The following APOBEC3F variants were observed in gnomAD, a reference collection of about 807,000 sequenced individuals.
APOBEC3F encodes apolipoprotein B mRNA editing enzyme catalytic subunit 3F.
APOBEC3F carries 34 observed loss-of-function variants against 45.8 expected under a neutral mutation model. That is an observed-to-expected ratio of 0.74 (90% CI 0.57 to 0.99). The LOEUF (loss-of-function observed/expected upper bound fraction) is 0.99. APOBEC3F is among the 50% of genes least tolerant of loss of function. The probability of loss-of-function intolerance (pLI) is 0.00; values close to 1 mark genes in which losing one functional copy is unlikely to be tolerated. For synonymous variants in APOBEC3F, 192 were observed against 174.4 expected, an observed-to-expected ratio of 1.10 and a Z score of -0.80; for missense variants, 459 against 474.1, an observed-to-expected ratio of 0.97 and a Z score of 0.30.
rs762653369 is a variant in APOBEC3F, at chr22:39,052,580, T to G, written c.1007T>G (p.Phe336Cys). The G allele has an allele frequency of 8.1e-6, 13 of 1,612,788 alleles. No homozygotes were observed. The highest frequency in any genetic ancestry group is 1.0e-5 in the Non-Finnish European group (12 of 1,179,234). ...CTTTCTCCTTGTTTTTTCTCAGATTTTAAATATTGTTGGGAAAACTTTGTG... is the reference window on the plus strand; with the variant it reads ...CTTTCTCCTTGTTTTTTCTCAGATTGTAAATATTGTTGGGAAAACTTTGTG... ...ASVEIMGYKD[F>C]KYCWENFVYN... The change falls in exon 7 of 7, where the codon TTT (phenylalanine) becomes TGT (cysteine). Residue 336 changes from phenylalanine (F) to cysteine (C), a missense_variant. By Grantham distance (205) the Phe-to-Cys change is radical. Coordinates refer to ENST00000308521, the MANE Select transcript of APOBEC3F (RefSeq NM_145298.6).
At position 39,053,343 on chromosome 22, in the gene APOBEC3F, A is replaced by C. The variant is rs971020529; in HGVS notation, c.*648A>C. ...CACCCTAGGCTGGCCGCGGTGACTCATGCCTATAATCCCCCAGCAATTTGG... is the reference window on the plus strand; with the variant it reads ...CACCCTAGGCTGGCCGCGGTGACTCCTGCCTATAATCCCCCAGCAATTTGG... On this transcript the variant is annotated 3_prime_UTR_variant, in exon 7 of 7. Coordinates refer to ENST00000308521, the MANE Select transcript of APOBEC3F (RefSeq NM_145298.6). The C allele has an allele frequency of 6.6e-6, 1 of 151,752 alleles. No individual in the cohort carries two copies. Among genetic ancestry groups the C allele is most frequent in the African/African-American group, 2.4e-5 (1 of 41,280 alleles). The allele number at this position is 151,752 out of a possible 1,614,324, so 9.4% of individuals were successfully genotyped here. A position where few individuals can be genotyped will look rare whatever the true frequency, so the allele number is the denominator to read the frequency against.
rs1261077792 is a variant in APOBEC3F at position 39,045,164 on chromosome 22, G to C, written c.395G>C (p.Arg132Thr). 1.2e-6 allele frequency: 2 copies of C among 1,614,160 alleles called. No individual in the cohort carries two copies. The highest frequency in any genetic ancestry group is 2.2e-5 in the East Asian group (1 of 44,878). ...TACTACTGGGAAAGAGATTACCGAA[G>C]GGCGCTCTGCAGGCTGAGTCAGGCA... ...LYYYWERDYR[R>T]ALCRLSQAGA... Residue 132 changes from arginine to threonine, a missense_variant, in exon 3 of 7, where the codon AGG (arginine) becomes ACG (threonine). Arg to Thr is a moderately conservative substitution (Grantham distance 71, BLOSUM62 -1). Transcript: ENST00000308521.
intron 2 of APOBEC3F, 83 bp downstream of exon 2, chr22:39,043,173 C>T (rs2035031155): frequency 1.6e-5 from 24 of 1,487,736 alleles, no homozygotes; most frequent in Non-Finnish European, 2.1e-5. Context: ...GTGAAGTGCC[C>T]GGCGGCGGGC....
chr22:39,044,364 T>C, intron 2 of APOBEC3F: 2 of 1,395,558 alleles, frequency 1.4e-6, no homozygotes, highest in South Asian at 1.7e-5. Flanking sequence ...TTTGTGATGA[T>C]GCTTCAACAG....
chr22:39,043,737 A>G (rs1470149358), intron 2 of APOBEC3F, among the ~76,000 whole-genome samples: 2 of 151,586 alleles, frequency 1.3e-5, no homozygotes, highest in East Asian at 2.0e-4. Context: ...TGTGTAGGCC[A>G]CGCTTGGTGG....
At chr22:39,044,278 G>A (rs1927087537) in intron 2 of APOBEC3F, 1 of 1,555,284 alleles carries the variant, frequency 6.4e-7, no homozygotes. Flanking sequence ...GAGAATGGAT[G>A]CCAGAATTCA....
At chr22:39,045,637 C>T (rs1927180500) in intron 4 of APOBEC3F, 95 bp downstream of exon 4, 2 of 1,583,384 alleles carry the variant, frequency 1.3e-6, no homozygotes, top group Admixed American at 1.7e-5. Context: ...GCCCTCCGTC[C>T]TGCCCCCTGC....
chr22:39,042,975 A>G lies in APOBEC3F; in HGVS notation c.56A>G (p.Tyr19Cys), dbSNP rs760703711. The G allele has an allele frequency of 5.6e-6, 9 of 1,614,000 alleles. No homozygotes were observed. In the Admixed American group the frequency reaches 1.2e-4, roughly 21 times the overall value. ...VERMYRDTFS[Y>C]NFYNRPILSR... is the part of the protein sequence containing the mutation. ...CGAATGTATCGAGACACATTCTCCTACAACTTTTATAATAGACCCATCCTT... is the reference window on the plus strand; with the variant it reads ...CGAATGTATCGAGACACATTCTCCTGCAACTTTTATAATAGACCCATCCTT... The change falls in exon 2 of 7, where the codon TAC becomes TGC. Residue 19 changes from tyrosine (Y) to cysteine (C), a missense_variant. Tyr to Cys is a radical substitution (Grantham distance 194). Coordinates refer to ENST00000308521, the MANE Select transcript of APOBEC3F (RefSeq NM_145298.6).
chr22:39,048,268 G>A (rs1927316251), intron 4 of APOBEC3F, among the ~76,000 whole-genome samples: 1 of 152,168 alleles, frequency 6.6e-6, no homozygotes, highest in Non-Finnish European at 1.5e-5. Context: ...CTGTGGCCTG[G>A]GCAGGTTACC....
In APOBEC3F at chr22:39,045,420, C is replaced by T. The variant is rs376646600; in HGVS notation, c.452-8C>T. The T allele has an allele frequency of 1.7e-5, 27 of 1,613,956 alleles. No individual in the cohort carries two copies. The highest frequency in any genetic ancestry group is 2.7e-5 in the African/African-American group (2 of 74,904). On this transcript the variant is annotated splice_region_variant and splice_polypyrimidine_tract_variant and intron_variant, in intron 3 of 6. Coordinates refer to ENST00000308521, the MANE Select transcript of APOBEC3F (RefSeq NM_145298.6). ...AGAGCCTGACTGCTTCCTGCCTCTT[C>T]GTCTCAGAATTTGCATACTGCTGGG... is the stretch of plus-strand genomic sequence containing the variant.
In APOBEC3F at chr22:39,053,467, A is replaced by C. The variant is rs902029119; in HGVS notation, c.*772A>C. 1.3e-5 allele frequency: 2 copies of C among 152,006 alleles called. No homozygotes were observed. The highest frequency in any genetic ancestry group is 6.6e-5 in the Admixed American group (1 of 15,242). 9.4% of individuals were successfully genotyped at this position (152,006 alleles called of 1,614,324 possible). On this transcript the variant is annotated 3_prime_UTR_variant, in exon 7 of 7. Transcript: ENST00000308521. The stretch of plus-strand genomic sequence containing the variant: ...CTACAAAAAAATTACAAAAAAAAAA[A>C]AAACAGGTGTGGTGGCATGCACCTG...
intron 2 of APOBEC3F, among the ~76,000 whole-genome samples, chr22:39,043,310 T>C (rs1297193514): frequency 6.6e-6 from 1 of 150,928 alleles, no homozygotes; most frequent in Non-Finnish European, 1.5e-5. Context: ...TTTTTTTTTT[T>C]TTTTTTTGAG....
rs1357165654 is a variant in APOBEC3F, at chr22:39,055,895, ACTT to A, written c.*3205_*3207del. On this transcript the variant is annotated 3_prime_UTR_variant, in exon 7 of 7. Coordinates refer to ENST00000308521, the MANE Select transcript of APOBEC3F (RefSeq NM_145298.6). Reference sequence around the variant, plus strand: ...TTGTAAGCCCTTAAAAGGGCCAGGGACTTCTTCAGGGAGCTCCAATCTTCAGAT... The same window carrying A: ...TTGTAAGCCCTTAAAAGGGCCAGGGACTTCAGGGAGCTCCAATCTTCAGAT... Among the ~76,000 whole-genome samples the A allele has an allele frequency of 1.3e-5, 2 of 152,088 alleles. No individual in the cohort carries two copies. The highest frequency in any genetic ancestry group is 4.8e-5 in the African/African-American group (2 of 41,392).
intron 5 of APOBEC3F, among the ~76,000 whole-genome samples, chr22:39,051,152 G>T (rs537083315): frequency 6.6e-6 from 1 of 151,956 alleles, no homozygotes; most frequent in East Asian, 1.9e-4. Context: ...CAGGAAAATC[G>T]CCTGAACCCA....
rs563057305 is a variant in APOBEC3F, at chr22:39,048,731, C to T, written c.567-694C>T. Among the ~76,000 whole-genome samples the T allele has an allele frequency of 1.1e-4, 16 of 152,272 alleles. 1 individual carries two copies. Among genetic ancestry groups the T allele is most frequent in the Admixed American group, 5.2e-4 (8 of 15,294 alleles). On this transcript the variant is annotated intron_variant, in intron 4 of 6. Coordinates refer to ENST00000308521, the MANE Select transcript of APOBEC3F (RefSeq NM_145298.6). ...CTGAGGCAGGAGAATCGCTTGAAACCAAGAGGCAGAGGTTGCAGTGAGCCG... is the reference window on the plus strand; with the variant it reads ...CTGAGGCAGGAGAATCGCTTGAAACTAAGAGGCAGAGGTTGCAGTGAGCCG...
Position 39,054,571 on chromosome 22 carries a change from C to T in APOBEC3F, c.*1876C>T, listed in dbSNP as rs201501051. 1.3e-5 allele frequency among the ~76,000 whole-genome samples: 2 copies of T among 152,166 alleles called. No individual in the cohort carries two copies. The highest frequency in any genetic ancestry group is 3.9e-4 in the East Asian group (2 of 5,190). On this transcript the variant is annotated 3_prime_UTR_variant, in exon 7 of 7. Transcript: ENST00000308521. ...TCCTGACCTCAAGTGATCCAACCTCCTTGGCCTCCCAAATTGCTGGGATTG... is the reference window on the plus strand; with the variant it reads ...TCCTGACCTCAAGTGATCCAACCTCTTTGGCCTCCCAAATTGCTGGGATTG...
chr22:39,046,384 A>G (rs1927220708), intron 4 of APOBEC3F, among the ~76,000 whole-genome samples: 1 of 152,074 alleles, frequency 6.6e-6, no homozygotes. Context: ...TGCGTGGGGC[A>G]TGCAGGGGTC....
Position 39,044,976 on chromosome 22 carries a change from C to T in APOBEC3F, c.207C>T (p.Cys69=). ...AGCCTGAGCACCACGCAGAAATGTG[C>T]TTCCTCTCTTGGTTCTGTGGCAACC... The part of the protein sequence containing the change: ...YSQPEHHAEM[C]FLSWFCGNQL... Residue 69 remains cysteine, a synonymous_variant, in exon 3 of 7, where the codon TGC becomes TGT. Coordinates refer to ENST00000308521, the MANE Select transcript of APOBEC3F (RefSeq NM_145298.6). 6.2e-7 allele frequency: 1 copy of T among 1,614,090 alleles called. No homozygotes were observed.
chr22:39,044,163 G>T (rs772455806), intron 2 of APOBEC3F: 2 of 1,598,920 alleles, frequency 1.3e-6, no homozygotes, highest in Admixed American at 1.7e-5. Flanking sequence ...ATGGGACAGC[G>T]CAGGTCCAGT....
Sources: allele counts gnomAD v4.1 joint callset (sites outside exome capture counted in the v4.1 genomes callset), GRCh38; gene constraint gnomAD v4.1.1; transcripts MANE v1.5; gene names NCBI Gene and HGNC (gene_info 2026-07-23, HGNC 2026-07-21).